DNAH17: variants seen among roughly 807,000 people sequenced by gnomAD.
DNAH17 encodes dynein axonemal heavy chain 17, also known as axonemal beta dynein heavy chain 17.
Under a neutral mutation model 485.6 loss-of-function variants are expected in DNAH17, and 376 were observed. The observed-to-expected ratio is 0.77, with a 90% CI of 0.71 to 0.84. The LOEUF (loss-of-function observed/expected upper bound fraction) is 0.84. DNAH17 is among the 40% of genes least tolerant of loss of function. The pLI is 0.00. For synonymous variants in DNAH17, 3,031 were observed against 2,405.9 expected, an observed-to-expected ratio of 1.26 and a Z score of -7.60; for missense variants, 6,370 against 5,839.3, an observed-to-expected ratio of 1.09 and a Z score of -2.96.
At chr17:78,485,452 G>C (rs1375570770) in intron 47 of DNAH17, 98 bp downstream of exon 47, 1 of 1,177,336 alleles carries the variant, frequency 8.5e-7, no homozygotes, top group Non-Finnish European at 1.2e-6. Context: ...GTGCAAAGTG[G>C]CTAGTGAGTG....
chr17:78,566,681 T>C lies in DNAH17; in HGVS notation c.1502A>G (p.Asp501Gly). 6.2e-7 allele frequency: 1 copy of C among 1,610,766 alleles called. No homozygotes were observed. Among genetic ancestry groups the C allele is most frequent in the Middle Eastern group, 1.6e-4 (1 of 6,062 alleles). The change falls in exon 11 of 81, where the codon GAT becomes GGT. Residue 501 changes from aspartate (D) to glycine (G), a missense_variant. Physicochemically the swap from Asp to Gly is moderately conservative, Grantham distance 94. Coordinates refer to ENST00000389840, the MANE Select transcript of DNAH17 (RefSeq NM_173628.4). Reference sequence around the variant, plus strand: ...GCAAAAGATCGTGGCCAGCCTCCTATCCAGGTCTTGGATTTTGATCTCAAA... The same window carrying C: ...GCAAAAGATCGTGGCCAGCCTCCTACCCAGGTCTTGGATTTTGATCTCAAA... Reference protein sequence around the residue: ...ADFEIKIQDLDRRLATIFCQG... With the variant: ...ADFEIKIQDLGRRLATIFCQG...
In DNAH17 at chr17:78,459,820, T is replaced by C; in HGVS notation, c.9617A>G (p.Lys3206Arg). The C allele has an allele frequency of 6.2e-7, 1 of 1,614,046 alleles. No homozygotes were observed. The highest frequency in any genetic ancestry group is 8.5e-7 in the Non-Finnish European group (1 of 1,179,884). ...CAGGCAGGCCTCAGGGATGTGCTCCTTGTCGAACTTCTTCAGGGAGTCTAG... is the reference window on the plus strand; with the variant it reads ...CAGGCAGGCCTCAGGGATGTGCTCCCTGTCGAACTTCTTCAGGGAGTCTAG... ...TFLDSLKKFD[K>R]EHIPEACLKA... The change falls in exon 60 of 81, where the codon AAG becomes AGG. Residue 3206 changes from lysine to arginine, a missense_variant. Physicochemically the swap from Lys to Arg is conservative, Grantham distance 26. Transcript: ENST00000389840.
intron 51 of DNAH17, among the ~76,000 whole-genome samples, chr17:78,478,110 C>T (rs1415058108): frequency 1.3e-4 from 19 of 150,382 alleles, no homozygotes; most frequent in African/African-American, 4.7e-4. Context: ...TCATCATCAT[C>T]TCCACCATCA....
At chr17:78,490,555 C>CA (rs1261366992) in intron 44 of DNAH17, 144 bp downstream of exon 44, 2 of 1,221,724 alleles carry the variant, frequency 1.6e-6, no homozygotes, top group African/African-American at 3.0e-5. Flanking sequence ...CTCACCCCTT[C>CA]ACTGCTGTGA....
Position 78,430,390 on chromosome 17 carries a change from G to A in DNAH17, c.12226-1090C>T, listed in dbSNP as rs1048797145. On this transcript the variant is annotated intron_variant, in intron 75 of 80. Coordinates refer to ENST00000389840, the MANE Select transcript of DNAH17 (RefSeq NM_173628.4). ...TCACAGTCAGCTTCTTCCTGCTTCCGCACACCTGTTCTTTCCCTGAAGTTT... is the reference window on the plus strand; with the variant it reads ...TCACAGTCAGCTTCTTCCTGCTTCCACACACCTGTTCTTTCCCTGAAGTTT... Among the ~76,000 whole-genome samples, 6 of 152,224 alleles carry A rather than the reference G, an allele frequency of 3.9e-5. No homozygotes were observed. In the South Asian group the frequency reaches 6.2e-4, roughly 16 times the overall value.
chr17:78,494,015 T>C (rs759320989), intron 41 of DNAH17, 21 bp downstream of exon 41: 8 of 1,607,726 alleles, frequency 5.0e-6, no homozygotes, highest in Non-Finnish European at 6.8e-6. Context: ...CCCTGCAAGG[T>C]CCCTGGAGCG....
At chr17:78,429,547 G>A (rs1459604665) in intron 75 of DNAH17, among the ~76,000 whole-genome samples, 1 of 152,184 alleles carries the variant, frequency 6.6e-6, no homozygotes, top group Non-Finnish European at 1.5e-5. Flanking sequence ...GGGGCTGTGT[G>A]GCACCTCCCT....
chr17:78,448,017 C>G (rs2087384546), intron 69 of DNAH17, among the ~76,000 whole-genome samples: 1 of 152,042 alleles, frequency 6.6e-6, no homozygotes, highest in South Asian at 2.1e-4. Flanking sequence ...ACTAAAAATA[C>G]AAAAATTAGC....
chr17:78,469,460 G>A (rs2088645309), intron 54 of DNAH17, among the ~76,000 whole-genome samples: 2 of 152,144 alleles, frequency 1.3e-5, no homozygotes, highest in South Asian at 4.1e-4. Context: ...AACTTTCTAA[G>A]AAACACAGGC....
In DNAH17 at chr17:78,503,328, C is replaced by T. The variant is rs796150468; in HGVS notation, c.4957-317G>A. On this transcript the variant is annotated intron_variant, in intron 31 of 80. Coordinates refer to ENST00000389840, the MANE Select transcript of DNAH17 (RefSeq NM_173628.4). ...CCGAGTAGCTGGGACTACAGGCGCC[C>T]GCCCCCACTCCCGGCATTTTTTTTT... 3.6e-3 allele frequency among the ~76,000 whole-genome samples: 519 copies of T among 144,828 alleles called. 2 individuals carry two copies. Among genetic ancestry groups the T allele is most frequent in the African/African-American group, 0.013 (490 of 38,620 alleles).
intron 16 of DNAH17, among the ~76,000 whole-genome samples, chr17:78,549,138 C>T (rs9907290): frequency 1.8e-3 from 268 of 152,310 alleles, no homozygotes; most frequent in African/African-American, 5.7e-3. Flanking sequence ...TTCACATATT[C>T]GAGTCCTAGC....
rs559687474 is a variant in DNAH17 at position 78,426,397 on chromosome 17, C to T, written c.12915+60G>A. On this transcript the variant is annotated intron_variant, in intron 79 of 80. Coordinates refer to ENST00000389840, the MANE Select transcript of DNAH17 (RefSeq NM_173628.4). ...GCAGGCTCTAGGGTGTGGGGTGTGC[C>T]GAGCTCTGGGCACTCGGTCCCCGAG... The T allele has an allele frequency of 4.5e-4, 682 of 1,500,338 alleles. 2 individuals are homozygous for T. The African/African-American group carries it at 8.4e-3, about 19-fold the overall frequency. 92.9% of individuals were successfully genotyped at this position (1,500,338 alleles called of 1,614,324 possible). A position where few individuals can be genotyped will look rare whatever the true frequency, so the allele number is the denominator to read the frequency against.
intron 54 of DNAH17, among the ~76,000 whole-genome samples, chr17:78,474,047 C>T (rs1343081926): frequency 6.6e-6 from 1 of 152,224 alleles, no homozygotes; most frequent in Non-Finnish European, 1.5e-5. Flanking sequence ...AGAGAACAGC[C>T]AGCCAGAAAC....
chr17:78,525,855 C>A (rs147440330), intron 24 of DNAH17, among the ~76,000 whole-genome samples: 2 of 152,216 alleles, frequency 1.3e-5, no homozygotes, highest in Admixed American at 6.5e-5. Flanking sequence ...GAGGAAACGG[C>A]CATGAGGAAA....
At chr17:78,542,291 G>A in intron 17 of DNAH17, among the ~76,000 whole-genome samples, 1 of 152,040 alleles carries the variant, frequency 6.6e-6, no homozygotes, top group East Asian at 1.9e-4. Flanking sequence ...AGGATTACAG[G>A]TTCCTACCAC....
At chr17:78,507,433 G>T (rs778780585) in intron 28 of DNAH17, 25 bp downstream of exon 28, 50 of 1,613,470 alleles carry the variant, frequency 3.1e-5, no homozygotes, top group Non-Finnish European at 3.9e-5. Context: ...TCTGAAGTGC[G>T]TGGGAACCAC....
intron 44 of DNAH17, 133 bp from the exon 45 acceptor site, chr17:78,486,639 G>T: frequency 8.6e-7 from 1 of 1,169,204 alleles, no homozygotes; most frequent in Non-Finnish European, 1.2e-6. Context: ...TGCCTGCATG[G>T]CAATGGGTCC....
intron 31 of DNAH17, 112 bp from the exon 32 acceptor site, chr17:78,503,123 G>A: frequency 7.7e-7 from 1 of 1,291,240 alleles, no homozygotes; most frequent in Non-Finnish European, 1.0e-6. Context: ...CCTCATCCCA[G>A]GGGCAGACAG....
intron 5 of DNAH17, 89 bp from the exon 6 acceptor site, chr17:78,571,122 C>T: frequency 7.4e-7 from 1 of 1,343,456 alleles, no homozygotes. Context: ...CTGAGACCTG[C>T]TCCTTCAGGA....
Sources: allele counts gnomAD v4.1 joint callset (sites outside exome capture counted in the v4.1 genomes callset), GRCh38; gene constraint gnomAD v4.1.1; transcripts MANE v1.5; gene names NCBI Gene and HGNC (gene_info 2026-07-23, HGNC 2026-07-21).